Variants in MACROD2 observed in about 807,000 individuals in gnomAD.
The protein encoded by MACROD2 is mono-ADP ribosylhydrolase 2.
Under a neutral mutation model 70.4 loss-of-function variants are expected in MACROD2, and 36 were observed. That is an observed-to-expected ratio of 0.51 (90% confidence interval 0.39 to 0.68). The LOEUF is 0.68. MACROD2 is among the 30% of genes least tolerant of loss of function. MACROD2 has a pLI of 0.00. For synonymous variants in MACROD2, 172 were observed against 178.8 expected (o/e 0.96, Z 0.30); for missense variants, 496 against 538.4 (o/e 0.92, Z 0.78).
intron 7 of MACROD2, among the ~76,000 whole-genome samples, chr20:15,452,668 G>C (rs1026190246): frequency 8.5e-5 from 13 of 152,120 alleles, no homozygotes; most frequent in Admixed American, 8.5e-4. Context: ...CCTTATAACT[G>C]TGGGCAGTGG....
At chr20:15,771,215 C>A (rs2051619434) in intron 8 of MACROD2, among the ~76,000 whole-genome samples, 1 of 152,042 alleles carries the variant, frequency 6.6e-6, no homozygotes, top group African/African-American at 2.4e-5. Context: ...CCCTCTGTTA[C>A]CCAGGCTGGT....
chr20:15,479,678 G>C (rs1162561667), intron 7 of MACROD2, among the ~76,000 whole-genome samples: 1 of 152,160 alleles, frequency 6.6e-6, no homozygotes, highest in Non-Finnish European at 1.5e-5. Context: ...GACTGTACTT[G>C]CAAGCTCTAC....
chr20:14,831,460 C>T (rs1026008435), intron 5 of MACROD2, among the ~76,000 whole-genome samples: 2 of 151,868 alleles, frequency 1.3e-5, no homozygotes, highest in African/African-American at 4.8e-5. Context: ...AATCCTCCTG[C>T]CTACCTTATC....
chr20:15,605,451 A>C (rs454571), intron 8 of MACROD2, among the ~76,000 whole-genome samples: 6,912 of 108,516 alleles, frequency 0.064, 354 homozygotes, highest in African/African-American at 0.23. Flanking sequence ...ACAGGATGTA[A>C]GCGTGTGTGT....
chr20:14,519,564 A>G (rs2085141289), intron 4 of MACROD2, among the ~76,000 whole-genome samples: 1 of 152,202 alleles, frequency 6.6e-6, no homozygotes, highest in Admixed American at 6.5e-5. Flanking sequence ...GACAAAAAAT[A>G]ACAGGTGCTG....
intron 5 of MACROD2, among the ~76,000 whole-genome samples, chr20:15,206,597 A>G (rs544629837): frequency 6.6e-6 from 1 of 151,896 alleles, no homozygotes. Context: ...TTTACCTCTC[A>G]AAGGCACTGC....
chr20:14,627,620 C>T (rs1447235998), intron 4 of MACROD2, among the ~76,000 whole-genome samples: 1 of 152,112 alleles, frequency 6.6e-6, no homozygotes, highest in Non-Finnish European at 1.5e-5. Context: ...AACTTTGTCC[C>T]CAACATCAAA....
At chr20:14,927,614 C>G (rs765435594) in intron 5 of MACROD2, among the ~76,000 whole-genome samples, 1 of 152,156 alleles carries the variant, frequency 6.6e-6, no homozygotes, top group Non-Finnish European at 1.5e-5. Flanking sequence ...TCATTACAGG[C>G]TAGTTCCTGG....
At chr20:14,925,420 A>G (rs1349792682) in intron 5 of MACROD2, among the ~76,000 whole-genome samples, 1 of 152,152 alleles carries the variant, frequency 6.6e-6, no homozygotes, top group Non-Finnish European at 1.5e-5. Flanking sequence ...CTATTTTGTA[A>G]TGAGAAGTCC....
intron 12 of MACROD2, among the ~76,000 whole-genome samples, chr20:15,967,054 C>T (rs2066150747): frequency 6.6e-6 from 1 of 152,128 alleles, no homozygotes; most frequent in Non-Finnish European, 1.5e-5. Flanking sequence ...AGAAGGTCTG[C>T]ATTCCCTCTA....
chr20:14,372,688 C>T (rs901220132), intron 3 of MACROD2, among the ~76,000 whole-genome samples: 11 of 152,166 alleles, frequency 7.2e-5, no homozygotes, highest in Admixed American at 7.2e-4. Flanking sequence ...TTATGGTAGA[C>T]TTCCAGACTT....
chr20:14,761,547 T>A (rs1782835035), intron 5 of MACROD2, among the ~76,000 whole-genome samples: 1 of 152,148 alleles, frequency 6.6e-6, no homozygotes, highest in African/African-American at 2.4e-5. Flanking sequence ...TAAACTTGTT[T>A]TTTATTCCCA....
chr20:14,045,157 C>T (rs917134978), intron 2 of MACROD2, among the ~76,000 whole-genome samples: 21 of 152,236 alleles, frequency 1.4e-4, no homozygotes, highest in African/African-American at 3.1e-4. Flanking sequence ...TTCCCGCCTG[C>T]GCCTCTCCCT....
intron 15 of MACROD2, among the ~76,000 whole-genome samples, chr20:16,030,939 A>T (rs957872466): frequency 7.2e-5 from 11 of 152,198 alleles, no homozygotes; most frequent in Admixed American, 5.9e-4. Context: ...TCTCGTCCTG[A>T]AACACATCTT....
At chr20:15,865,250 T>G (rs983210459) in intron 9 of MACROD2, among the ~76,000 whole-genome samples, 18 of 152,042 alleles carry the variant, frequency 1.2e-4, no homozygotes, top group African/African-American at 4.1e-4. Flanking sequence ...GATAAAACAA[T>G]AAAAGACTCA....
chr20:14,479,877 A>G (rs900591940), intron 3 of MACROD2, among the ~76,000 whole-genome samples: 8 of 152,194 alleles, frequency 5.3e-5, no homozygotes, highest in Non-Finnish European at 1.2e-4. Context: ...TACTATAGTT[A>G]TATCTTTTTT....
At chr20:14,057,161 A>T (rs2053639990) in intron 2 of MACROD2, among the ~76,000 whole-genome samples, 1 of 152,162 alleles carries the variant, frequency 6.6e-6, no homozygotes, top group East Asian at 1.9e-4. Context: ...GTATAAGAGA[A>T]TATCTTACAT....
chr20:15,451,360 C>T (rs997204464), intron 7 of MACROD2, among the ~76,000 whole-genome samples: 1 of 141,770 alleles, frequency 7.1e-6, no homozygotes, highest in Admixed American at 7.9e-5. Context: ...ACTTTCCTGC[C>T]TATGGTGCTT....
chr20:14,466,999 G>A (rs953044889), intron 3 of MACROD2, among the ~76,000 whole-genome samples: 2 of 152,164 alleles, frequency 1.3e-5, no homozygotes, highest in Non-Finnish European at 2.9e-5. Flanking sequence ...ACTTGAGGAG[G>A]CATTCTGCCC....
Sources: allele counts gnomAD v4.1 joint callset (sites outside exome capture counted in the v4.1 genomes callset), GRCh38; gene constraint gnomAD v4.1.1; transcripts MANE v1.5; gene names NCBI Gene and HGNC (gene_info 2026-07-23, HGNC 2026-07-21).